OAS1: variants seen among roughly 807,000 people sequenced by gnomAD.
OAS1 encodes the protein 2'-5'-oligoadenylate synthetase 1, also known as 2'-5'-oligoadenylate synthase 1.
In OAS1, 24 loss-of-function variants were observed where a neutral mutation model predicts 38.5. That is an observed-to-expected ratio of 0.62 (90% confidence interval 0.45 to 0.88). OAS1 has a LOEUF of 0.88. Among genes scored for constraint, OAS1 ranks in the 40% least tolerant of loss-of-function variants. The pLI, the probability that OAS1 is intolerant of heterozygous loss-of-function variation, is 0.00. For missense variants in OAS1, 482 were observed against 493.9 expected, an observed-to-expected ratio of 0.98 and a Z score of 0.23; for synonymous variants, 169 against 193.9, an observed-to-expected ratio of 0.87 and a Z score of 1.07.
rs1210532695 is a variant in OAS1 at position 112,917,631 on chromosome 12, T to G, written c.969T>G (p.Ala323=). The G allele has an allele frequency of 1.9e-6, 3 of 1,614,106 alleles. No individual in the cohort carries two copies. The highest frequency in any genetic ancestry group is 2.5e-6 in the Non-Finnish European group (3 of 1,180,050). The change falls in exon 5 of 6, where the codon GCT becomes GCG. Residue 323 remains alanine, a synonymous_variant. Transcript: ENST00000202917. ...PKGWRQLAQE[A]EAWLNYPCFK... Reference sequence around the variant, plus strand: ...GTTGGAGGCAGCTGGCACAAGAGGCTGAGGCCTGGCTGAATTACCCATGCT... The same window carrying G: ...GTTGGAGGCAGCTGGCACAAGAGGCGGAGGCCTGGCTGAATTACCCATGCT...
chr12:112,931,455 A>G (rs1313253941), intron 6 of OAS1, among the ~76,000 whole-genome samples: 1 of 152,228 alleles, frequency 6.6e-6, no homozygotes, highest in Non-Finnish European at 1.5e-5. Flanking sequence ...AATAGCATCT[A>G]TCTCATAGGA....
intron 5 of OAS1, 71 bp from the exon 6 acceptor site, chr12:112,919,318 G>A (rs550371903): frequency 2.3e-5 from 32 of 1,395,192 alleles, no homozygotes; most frequent in South Asian, 1.7e-4. Context: ...AGTGTCTACC[G>A]TAAATGCTCA....
chr12:112,932,178 C>T (rs2043602090), downstream of OAS1: 1 of 383,128 alleles, frequency 2.6e-6, no homozygotes, highest in Non-Finnish European at 4.6e-6. Context: ...CTCTCTGTCC[C>T]TCATTAAAAA....
Position 112,911,131 on chromosome 12 carries a change from G to T in OAS1, c.550G>T (p.Gly184Cys), listed in dbSNP as rs768226298. The T allele has an allele frequency of 1.2e-6, 2 of 1,613,772 alleles. No homozygotes were observed. The highest frequency in any genetic ancestry group is 3.3e-5 in the Admixed American group (2 of 59,980). ...GGAGTGCACCGACCTGCAGAAAGAGGGCGAGTTCTCCACCTGCTTCACAGA... is the reference window on the plus strand; with the variant it reads ...GGAGTGCACCGACCTGCAGAAAGAGTGCGAGTTCTCCACCTGCTTCACAGA... Reference protein sequence around the residue: ...IEECTDLQKEGEFSTCFTELQ... With the variant: ...IEECTDLQKECEFSTCFTELQ... The change falls in exon 3 of 6, where the codon GGC becomes TGC. Residue 184 changes from glycine to cysteine, a missense_variant. By Grantham distance (159) the Gly-to-Cys change is radical. Coordinates refer to ENST00000202917, the MANE Select transcript of OAS1 (RefSeq NM_016816.4).
intron 3 of OAS1, among the ~76,000 whole-genome samples, chr12:112,914,558 A>G (rs907272799): frequency 1.3e-5 from 2 of 152,222 alleles, no homozygotes; most frequent in African/African-American, 4.8e-5. Context: ...CATTCCCACC[A>G]ATGGTGTAAA....
intron 5 of OAS1, chr12:112,917,905 A>G (rs2043486216): frequency 6.9e-7 from 1 of 1,456,682 alleles, no homozygotes. Flanking sequence ...CCTTGTCCAG[A>G]ATTCATTCCC....
At position 112,908,779 on chromosome 12, in the gene OAS1, G is replaced by A. The variant is rs779611860; in HGVS notation, c.424G>A (p.Gly142Arg). The change falls in exon 2 of 6, where the codon GGG (glycine) becomes AGG (arginine). Residue 142 changes from glycine to arginine, a missense_variant. By Grantham distance (125) the Gly-to-Arg change is moderately radical. Coordinates refer to ENST00000202917, the MANE Select transcript of OAS1 (RefSeq NM_016816.4). ...LSFVLSSLQLGEGVEFDVLPA... is the reference protein window; with the variant it reads ...LSFVLSSLQLREGVEFDVLPA... ...CTTCGTACTGAGTTCGCTCCAGCTC[G>A]GGGAGGGGGTGGAGTTCGATGTGCT... 71 of 1,609,426 alleles carry A rather than the reference G, an allele frequency of 4.4e-5. No homozygotes were observed. The highest frequency in any genetic ancestry group is 5.4e-5 in the Non-Finnish European group (63 of 1,176,408).
chr12:112,915,238 C>G (rs988707362), intron 3 of OAS1, among the ~76,000 whole-genome samples: 1 of 152,046 alleles, frequency 6.6e-6, no homozygotes, highest in Non-Finnish European at 1.5e-5. Context: ...CTTCTAGAAT[C>G]TTTATGGTTT....
chr12:112,930,618 C>T (rs2043591516), intron 6 of OAS1, among the ~76,000 whole-genome samples: 1 of 152,258 alleles, frequency 6.6e-6, no homozygotes, highest in Non-Finnish European at 1.5e-5. Flanking sequence ...TGGCCTCAGT[C>T]ATCTTGGTTC....
At chr12:112,918,024 C>A in intron 5 of OAS1, 1 of 996,708 alleles carries the variant, frequency 1.0e-6, no homozygotes, top group Non-Finnish European at 1.3e-6. Context: ...ATAGTCACAA[C>A]AATCCCATGA....
intron 3 of OAS1, among the ~76,000 whole-genome samples, chr12:112,913,895 G>C (rs1003165539): frequency 1.3e-5 from 2 of 151,822 alleles, no homozygotes; most frequent in African/African-American, 4.8e-5. Flanking sequence ...CTCCTTTCCT[G>C]TCCTCATTCA....
chr12:112,927,487 G>T (rs577478451), intron 6 of OAS1, among the ~76,000 whole-genome samples: 2 of 152,246 alleles, frequency 1.3e-5, no homozygotes, highest in South Asian at 4.1e-4. Context: ...TGAAATTAAA[G>T]ATCTTGTGTT....
At chr12:112,913,756 G>A (rs1031001869) in intron 3 of OAS1, among the ~76,000 whole-genome samples, 3 of 151,824 alleles carry the variant, frequency 2.0e-5, no homozygotes, top group African/African-American at 7.3e-5. Context: ...TTTATCCTGT[G>A]AATATGATAT....
intron 5 of OAS1, chr12:112,918,609 C>T: frequency 2.2e-6 from 1 of 454,858 alleles, no homozygotes; most frequent in South Asian, 1.6e-5. Flanking sequence ...GAGACAAAGG[C>T]TCAGAGAGGT....
At chr12:112,907,496 C>T in intron 1 of OAS1, 2 of 353,722 alleles carry the variant, frequency 5.7e-6, no homozygotes, top group Non-Finnish European at 1.0e-5. Context: ...GGGCGATGCC[C>T]ATTTCAGAAA....
In OAS1 at chr12:112,917,642, T is replaced by C. The variant is rs145483625; in HGVS notation, c.980T>C (p.Leu327Pro). 8.2e-5 allele frequency: 132 copies of C among 1,614,200 alleles called. No individual in the cohort carries two copies. In the African/African-American group the frequency reaches 1.7e-3, roughly 20 times the overall value. Residue 327 changes from leucine to proline, a missense_variant, in exon 5 of 6, where the codon CTG (leucine) becomes CCG (proline). Physicochemically the swap from Leu to Pro is moderately conservative, Grantham distance 98 (BLOSUM62 -3). Transcript: ENST00000202917. ...RQLAQEAEAW[L>P]NYPCFKNWDG... is the part of the protein sequence containing the mutation. ...CTGGCACAAGAGGCTGAGGCCTGGCTGAATTACCCATGCTTTAAGAATTGG... is the reference window on the plus strand; with the variant it reads ...CTGGCACAAGAGGCTGAGGCCTGGCCGAATTACCCATGCTTTAAGAATTGG...
chr12:112,908,464 T>C (rs1813334378), intron 1 of OAS1, 72 bp from the exon 2 acceptor site: 2 of 1,441,132 alleles, frequency 1.4e-6, no homozygotes, highest in South Asian at 1.3e-5. Context: ...ATGTTAGTGA[T>C]TGCTCCTGTC....
chr12:112,929,156 G>A (rs2043581536), intron 6 of OAS1, among the ~76,000 whole-genome samples: 1 of 152,212 alleles, frequency 6.6e-6, no homozygotes, highest in Non-Finnish European at 1.5e-5. Flanking sequence ...CTGGACCAGA[G>A]GAAATGCCTC....
intron 3 of OAS1, among the ~76,000 whole-genome samples, chr12:112,915,924 G>T (rs2043448280): frequency 6.6e-6 from 1 of 152,108 alleles, no homozygotes; most frequent in African/African-American, 2.4e-5. Context: ...AACTCTTAGT[G>T]TTTTGTTTCC....
Sources: gnomAD v4.1 joint callset for allele counts (sites outside exome capture counted in the v4.1 genomes callset) on GRCh38, gnomAD v4.1.1 for gene constraint, MANE v1.5 for transcripts, NCBI Gene and HGNC (gene_info 2026-07-23, HGNC 2026-07-21) for gene names.